The following COL4A5 variants were observed in gnomAD, a reference collection of about 807,000 sequenced individuals.
The protein encoded by COL4A5 is collagen alpha-5(IV) chain.
Under a neutral mutation model 130.2 loss-of-function variants are expected in COL4A5, and 26 were observed. The observed-to-expected ratio is 0.20, with a 90% confidence interval of 0.15 to 0.28. COL4A5 has a LOEUF of 0.28. COL4A5 is among the 10% of genes least tolerant of loss of function. The probability of loss-of-function intolerance (pLI) is 1.00; values close to 1 mark genes in which losing one functional copy is unlikely to be tolerated. For synonymous variants in COL4A5, 496 were observed against 439.6 expected, an observed-to-expected ratio of 1.13 and a Z score of -1.60; for missense variants, 1,131 against 1,344.3, an observed-to-expected ratio of 0.84 and a Z score of 2.48.
At chrX:108,550,543 T>G in intron 2 of COL4A5, among the ~76,000 whole-genome samples, 1 of 111,733 alleles carries the variant, frequency 8.9e-6, no homozygotes, top group Middle Eastern at 4.6e-3. Context: ...GTAGAAGAGA[T>G]TTCCTCAACC....
At position 108,557,792 on chromosome X, in the gene COL4A5, T is replaced by C. The variant is rs770661739; in HGVS notation, c.142-1272T>C. ...GTGCTGTCCAGGCTGTCACTGTGGG[T>C]AGGATCTGTTAAGAGGGTTCCCAGA... is the stretch of plus-strand genomic sequence containing the variant. On this transcript the variant is annotated intron_variant, in intron 2 of 52. Transcript: ENST00000328300. Among the ~76,000 whole-genome samples the C allele has an allele frequency of 7.2e-5, 8 of 110,374 alleles. No individual in the cohort carries two copies. The East Asian group carries it at 2.3e-3, about 32-fold the overall frequency.
intron 1 of COL4A5, among the ~76,000 whole-genome samples, chrX:108,459,292 A>G (rs933220597): frequency 1.8e-5 from 2 of 111,280 alleles, no homozygotes; most frequent in Admixed American, 1.9e-4. Flanking sequence ...CTTTCTTTCT[A>G]GTCTTCACAC....
intron 1 of COL4A5, among the ~76,000 whole-genome samples, chrX:108,497,352 A>G (rs908798820): frequency 1.8e-5 from 2 of 111,923 alleles, no homozygotes; most frequent in African/African-American, 6.5e-5. Context: ...TTTTGTATAG[A>G]TATATGTTTT....
chrX:108,665,410 C>T, intron 37 of COL4A5, 97 bp from the exon 38 acceptor site: 1 of 579,457 alleles, frequency 1.7e-6, no homozygotes, highest in Non-Finnish European at 2.9e-6. Flanking sequence ...TTGTTCTTCA[C>T]TGTTTCTATG....
intron 1 of COL4A5, among the ~76,000 whole-genome samples, chrX:108,479,959 C>T (rs1370033417): frequency 9.0e-6 from 1 of 111,545 alleles, no homozygotes; most frequent in Admixed American, 9.5e-5. Flanking sequence ...CCGTTACTCA[C>T]CTATGGGGGC....
At chrX:108,526,671 C>CTTTCTCTT in intron 1 of COL4A5, among the ~76,000 whole-genome samples, 1 of 41,880 alleles carries the variant, frequency 2.4e-5, no homozygotes, top group South Asian at 1.6e-3. Context: ...TTCTTTCTTT[C>CTTTCTCTT]TCTTTCTTTC....
At chrX:108,475,477 C>T (rs1056963144) in intron 1 of COL4A5, among the ~76,000 whole-genome samples, 1 of 111,373 alleles carries the variant, frequency 9.0e-6, no homozygotes, top group Admixed American at 9.6e-5. Flanking sequence ...TCAAAAGAAG[C>T]AGTGAGAGCA....
chrX:108,592,170 G>A (rs2066447938), intron 21 of COL4A5, among the ~76,000 whole-genome samples: 1 of 111,729 alleles, frequency 9.0e-6, no homozygotes, highest in African/African-American at 3.3e-5. Flanking sequence ...AATAACAAGA[G>A]AACTTTCACT....
chrX:108,469,247 T>C (rs770943016), intron 1 of COL4A5, among the ~76,000 whole-genome samples: 2 of 100,313 alleles, frequency 2.0e-5, no homozygotes, highest in Non-Finnish European at 4.0e-5. Flanking sequence ...CAAAGGATCC[T>C]CCTTCCTCAG....
At chrX:108,662,908 C>T (rs1183485766) in intron 37 of COL4A5, among the ~76,000 whole-genome samples, 2 of 112,012 alleles carry the variant, frequency 1.8e-5, no homozygotes, top group East Asian at 5.6e-4. Context: ...CCAAGACAAT[C>T]CTAAGCAAAA....
At chrX:108,449,147 T>C (rs1414037435) in intron 1 of COL4A5, among the ~76,000 whole-genome samples, 1 of 111,893 alleles carries the variant, frequency 8.9e-6, no homozygotes, top group East Asian at 2.8e-4. Context: ...GTTAGTCCAG[T>C]CACTCACACA....
chrX:108,637,735 A>G (rs2067383412), intron 36 of COL4A5, among the ~76,000 whole-genome samples: 1 of 112,103 alleles, frequency 8.9e-6, no homozygotes, highest in African/African-American at 3.2e-5. Context: ...AGACTGAATC[A>G]TAGAAGTAGA....
intron 1 of COL4A5, among the ~76,000 whole-genome samples, chrX:108,468,286 GA>G (rs1228900888): frequency 6.3e-5 from 7 of 110,793 alleles, no homozygotes. Flanking sequence ...CAACCTGTAT[GA>G]AAAAAATATA....
At chrX:108,652,582 C>G (rs1249598185) in intron 36 of COL4A5, among the ~76,000 whole-genome samples, 1 of 112,309 alleles carries the variant, frequency 8.9e-6, no homozygotes, top group African/African-American at 3.2e-5. Context: ...TAGATGTCTT[C>G]TGTTCTGTAA....
intron 1 of COL4A5, among the ~76,000 whole-genome samples, chrX:108,491,836 C>G (rs1331692312): frequency 1.8e-5 from 2 of 111,455 alleles, no homozygotes; most frequent in African/African-American, 6.5e-5. Context: ...GAAGGCTTGC[C>G]TTTATTTTGC....
chrX:108,675,006 C>T (rs1243267881), intron 43 of COL4A5, among the ~76,000 whole-genome samples: 8 of 110,426 alleles, frequency 7.2e-5, no homozygotes, highest in Middle Eastern at 4.7e-3. Context: ...GAATTTTAAA[C>T]GGAAATACAC....
At chrX:108,459,947 G>T (rs2064626103) in intron 1 of COL4A5, among the ~76,000 whole-genome samples, 1 of 111,333 alleles carries the variant, frequency 9.0e-6, no homozygotes, top group African/African-American at 3.3e-5. Context: ...TCTTAACTTT[G>T]GCCACTGTTA....
intron 1 of COL4A5, among the ~76,000 whole-genome samples, chrX:108,468,647 T>C (rs1330568174): frequency 2.7e-5 from 3 of 110,289 alleles, no homozygotes; most frequent in Non-Finnish European, 5.7e-5. Flanking sequence ...GTTCTATTAA[T>C]GTGGCATATT....
At chrX:108,526,088 G>A (rs2065308814) in intron 1 of COL4A5, among the ~76,000 whole-genome samples, 1 of 111,467 alleles carries the variant, frequency 9.0e-6, no homozygotes, top group East Asian at 2.8e-4. Flanking sequence ...GGTAGGGGAA[G>A]ATCAGAAATG....
Sources: allele counts gnomAD v4.1 joint callset (sites outside exome capture counted in the v4.1 genomes callset), GRCh38; gene constraint gnomAD v4.1.1; transcripts MANE v1.5; gene names NCBI Gene and HGNC (gene_info 2026-07-23, HGNC 2026-07-21).